Variants in ANGEL1 observed in about 807,000 individuals in gnomAD.
The protein encoded by ANGEL1 is RNA 2',3'-cyclic phosphatase ANGEL1.
A neutral mutation model predicts 76.4 loss-of-function variants in ANGEL1; 62 were observed. That is an observed-to-expected ratio of 0.81 (90% CI 0.66 to 1.00). The LOEUF (loss-of-function observed/expected upper bound fraction) is 1.00, where lower values mean the gene tolerates loss of function less well. Ranked by LOEUF, ANGEL1 falls within the 50% of genes least tolerant of loss-of-function variation. The pLI, the probability that ANGEL1 is intolerant of heterozygous loss-of-function variation, is 0.00. For synonymous variants in ANGEL1, 340 were observed against 331.7 expected, an observed-to-expected ratio of 1.03 and a Z score of -0.27; for missense variants, 737 against 836.7, an observed-to-expected ratio of 0.88 and a Z score of 1.47.
intron 1 of ANGEL1, among the ~76,000 whole-genome samples, chr14:76,810,734 T>A (rs1375421737): frequency 6.6e-6 from 1 of 152,150 alleles, no homozygotes; most frequent in Non-Finnish European, 1.5e-5. Context: ...AAGAGACAGC[T>A]GACATCTCTC....
intron 7 of ANGEL1, among the ~76,000 whole-genome samples, chr14:76,793,401 A>AGGAGGGGAGGGGAGGGGAGGGGAGG (rs1894471097): frequency 1.2e-4 from 2 of 16,284 alleles, no homozygotes; most frequent in African/African-American, 2.4e-4. Context: ...AGGAGGGGAG[A>AGGAGGGGAGGGGAGGGGAGGGGAGG]GGGGATAAAA....
At position 76,809,246 on chromosome 14, in the gene ANGEL1, C is replaced by T. The variant is rs757378080; in HGVS notation, c.462G>A (p.Ser154=). Reference sequence around the variant, plus strand: ...CAGCACAGTCTGCATACTGGGGCTCCGACTGCATGGGGATAGCTGCCCACA... The same window carrying T: ...CAGCACAGTCTGCATACTGGGGCTCTGACTGCATGGGGATAGCTGCCCACA... ...GSMWAAIPMQ[S]EPQYADCAAL... is the part of the protein sequence containing the mutation. The change falls in exon 2 of 10, where the codon TCG becomes TCA. Residue 154 remains serine (S), a synonymous_variant. Coordinates refer to ENST00000251089, the MANE Select transcript of ANGEL1 (RefSeq NM_015305.4). The T allele has an allele frequency of 3.3e-5, 54 of 1,612,898 alleles. No individual in the cohort carries two copies. The highest frequency in any genetic ancestry group is 9.3e-5 in the African/African-American group (7 of 74,894).
At position 76,809,327 on chromosome 14, in the gene ANGEL1, G is replaced by C. The variant is rs1196004411; in HGVS notation, c.381C>G (p.Phe127Leu). ...LRAAENLDEP[F>L]PEMLGEEPLL... The stretch of plus-strand genomic sequence containing the variant: ...GTGGCTCCTCTCCTAGCATCTCAGG[G>C]AAAGGCTCATCCAGGTTCTCTGCAG... Residue 127 changes from phenylalanine (F) to leucine (L), a missense_variant, in exon 2 of 10, where the codon TTC becomes TTG. Physicochemically the swap from Phe to Leu is conservative, Grantham distance 22. Transcript: ENST00000251089. 6.2e-7 allele frequency: 1 copy of C among 1,614,120 alleles called. No individual in the cohort carries two copies. The highest frequency in any genetic ancestry group is 8.5e-7 in the Non-Finnish European group (1 of 1,180,046).
chr14:76,792,393 A>C (rs918438964), intron 7 of ANGEL1, among the ~76,000 whole-genome samples: 4 of 152,242 alleles, frequency 2.6e-5, no homozygotes, highest in Non-Finnish European at 4.4e-5. Context: ...TTCTCAACTC[A>C]TTCTATGAGG....
At chr14:76,809,023 G>A in intron 2 of ANGEL1, 36 bp downstream of exon 2, 1 of 1,569,096 alleles carries the variant, frequency 6.4e-7, no homozygotes, top group Non-Finnish European at 8.7e-7. Context: ...GAGACACCCT[G>A]TTCCCTTGGC....
intron 1 of ANGEL1, chr14:76,810,205 T>C (rs745427157): frequency 2.0e-5 from 9 of 454,722 alleles, no homozygotes; most frequent in Admixed American, 1.4e-4. Context: ...CAGGATCACT[T>C]GAGGCCAGGA....
chr14:76,807,000 TC>T, intron 4 of ANGEL1, 151 bp from the exon 5 acceptor site: 1 of 891,098 alleles, frequency 1.1e-6, no homozygotes, highest in Non-Finnish European at 1.7e-6. Flanking sequence ...TTCAGCAGGT[TC>T]CCCCTTACAT....
intron 4 of ANGEL1, 111 bp from the exon 5 acceptor site, chr14:76,806,960 T>C: frequency 8.2e-7 from 1 of 1,213,136 alleles, no homozygotes; most frequent in South Asian, 1.5e-5. Context: ...TTCCTGCTAC[T>C]CAGTAAAGGA....
rs550300190 is a variant in ANGEL1, at chr14:76,789,791, T to G, written c.1853-403A>C. On this transcript the variant is annotated intron_variant, in intron 9 of 9. Transcript: ENST00000251089. Reference sequence around the variant, plus strand: ...CTCACTGCAACCTCTGACCCCCGGGTTCAAGCGATTCTCCTGCCTCAGCCT... The same window carrying G: ...CTCACTGCAACCTCTGACCCCCGGGGTCAAGCGATTCTCCTGCCTCAGCCT... Among the ~76,000 whole-genome samples the G allele has an allele frequency of 2.7e-5, 4 of 150,600 alleles. No individual in the cohort carries two copies. The East Asian group carries it at 7.8e-4, about 29-fold the overall frequency.
Position 76,789,155 on chromosome 14 carries a change from C to A in ANGEL1, c.*73G>T. ...TTTCTTGGATCTAAGTTTCTAGATGCATGGGATTTTTCCACAGTCTCTGAT... is the reference window on the plus strand; with the variant it reads ...TTTCTTGGATCTAAGTTTCTAGATGAATGGGATTTTTCCACAGTCTCTGAT... On this transcript the variant is annotated 3_prime_UTR_variant, in exon 10 of 10. Transcript: ENST00000251089. The A allele has an allele frequency of 6.4e-7, 1 of 1,554,742 alleles. No homozygotes were observed. The highest frequency in any genetic ancestry group is 8.7e-7 in the Non-Finnish European group (1 of 1,145,750).
In ANGEL1 at chr14:76,791,281, A is replaced by G; in HGVS notation, c.1688+16T>C. 6.2e-7 allele frequency: 1 copy of G among 1,613,898 alleles called. No homozygotes were observed. Among genetic ancestry groups the G allele is most frequent in the Non-Finnish European group, 8.5e-7 (1 of 1,179,840 alleles). On this transcript the variant is annotated intron_variant, in intron 8 of 9. Transcript: ENST00000251089. ...AAGGGCTGGATTGAAAACAGAAGAG[A>G]ACTGGAGAAGGTTACCTGGAGAAGG... is the stretch of plus-strand genomic sequence containing the variant.
Position 76,807,305 on chromosome 14 carries a change from TG to T in ANGEL1, c.946+127del, listed in dbSNP as rs1206797990. 1.3e-5 allele frequency: 11 copies of T among 862,580 alleles called. No homozygotes were observed. In the African/African-American group the frequency reaches 1.9e-4, roughly 15 times the overall value. 53.4% of individuals were successfully genotyped at this position (862,580 alleles called of 1,614,324 possible). A position where few individuals can be genotyped will look rare whatever the true frequency, so the allele number is the denominator to read the frequency against. On this transcript the variant is annotated intron_variant, in intron 4 of 9. Coordinates refer to ENST00000251089, the MANE Select transcript of ANGEL1 (RefSeq NM_015305.4). Reference sequence around the variant, plus strand: ...AGAATTCTACTTTCTCAGGCACACATGGAAGGAGCTAGCTCACAGGTGAAAC... The same window carrying T: ...AGAATTCTACTTTCTCAGGCACACATGAAGGAGCTAGCTCACAGGTGAAAC...
At chr14:76,803,254 T>C in intron 7 of ANGEL1, 117 bp downstream of exon 7, 3 of 804,934 alleles carry the variant, frequency 3.7e-6, no homozygotes, top group Non-Finnish European at 5.9e-6. Flanking sequence ...AATATACGTA[T>C]TACCAGAAGC....
chr14:76,790,858 T>G, intron 8 of ANGEL1, 84 bp from the exon 9 acceptor site: 4 of 1,444,974 alleles, frequency 2.8e-6, no homozygotes, highest in Non-Finnish European at 3.7e-6. Flanking sequence ...TTTATGAAGA[T>G]TTTTTAAAAG....
Position 76,808,076 on chromosome 14 carries a change from G to A in ANGEL1, c.722C>T (p.Pro241Leu). The stretch of plus-strand genomic sequence containing the variant: ...AGACATCAGAGTGAACTGGAACTGA[G>A]GGCCATCTCCTGCCTTCAGGCCCTG... ...DAQGLKAGDG[P>L]QFQFTLMSYN... The change falls in exon 3 of 10, where the codon CCT becomes CTT. Residue 241 changes from proline (P) to leucine (L), a missense_variant. Pro to Leu is a moderately conservative substitution (Grantham distance 98, BLOSUM62 -3). Transcript: ENST00000251089. 3 of 1,614,046 alleles carry A rather than the reference G, an allele frequency of 1.9e-6. No homozygotes were observed. The highest frequency in any genetic ancestry group is 2.5e-6 in the Non-Finnish European group (3 of 1,180,032).
intron 7 of ANGEL1, among the ~76,000 whole-genome samples, chr14:76,797,065 T>C (rs1894601575): frequency 6.6e-6 from 1 of 152,164 alleles, no homozygotes; most frequent in Non-Finnish European, 1.5e-5. Flanking sequence ...TTCCACCTAC[T>C]CTGCTCCAGG....
At chr14:76,797,168 A>C (rs903103895) in intron 7 of ANGEL1, among the ~76,000 whole-genome samples, 2 of 152,218 alleles carry the variant, frequency 1.3e-5, no homozygotes, top group Non-Finnish European at 2.9e-5. Flanking sequence ...CTCTGCAAGA[A>C]CTTGGGAAGA....
Position 76,789,041 on chromosome 14 carries a change from A to G in ANGEL1, c.*187T>C. The G allele has an allele frequency of 5.3e-6, 4 of 750,136 alleles. No individual in the cohort carries two copies. Among genetic ancestry groups the G allele is most frequent in the Non-Finnish European group, 8.5e-6 (4 of 468,884 alleles). The allele number at this position is 750,136 out of a possible 1,614,324, so 46.5% of individuals were successfully genotyped here. A position where few individuals can be genotyped will look rare whatever the true frequency, so the allele number is the denominator to read the frequency against. On this transcript the variant is annotated 3_prime_UTR_variant, in exon 10 of 10. Transcript: ENST00000251089. ...ATTAGGAAGAGGCTGGGGTGGGGCA[A>G]GGACCACAGGCAGAGAACGCAGCCA...
At chr14:76,789,927 C>T (rs575604466) in intron 9 of ANGEL1, among the ~76,000 whole-genome samples, 15 of 150,538 alleles carry the variant, frequency 1.0e-4, no homozygotes, top group Non-Finnish European at 1.9e-4. Flanking sequence ...TGCAGTGGCA[C>T]GATCTCGGCT....
Sources: gnomAD v4.1 joint callset for allele counts (sites outside exome capture counted in the v4.1 genomes callset) on GRCh38, gnomAD v4.1.1 for gene constraint, MANE v1.5 for transcripts, NCBI Gene and HGNC (gene_info 2026-07-23, HGNC 2026-07-21) for gene names.